MAN2B1: variants seen among roughly 807,000 people sequenced by gnomAD.
MAN2B1 encodes the protein lysosomal alpha-mannosidase.
A neutral mutation model predicts 127.5 loss-of-function variants in MAN2B1; 99 were observed. The observed-to-expected ratio is 0.78, with a 90% CI of 0.66 to 0.92. The LOEUF (loss-of-function observed/expected upper bound fraction) is 0.92. MAN2B1 is among the 40% of genes least tolerant of loss of function. The pLI is 0.00. For synonymous variants in MAN2B1, 573 were observed against 568.8 expected (o/e 1.01, Z -0.11); for missense variants, 1,304 against 1,384.8 (o/e 0.94, Z 0.93).
At chr19:12,662,473 CAT>C (rs1205801802) in intron 6 of MAN2B1, among the ~76,000 whole-genome samples, 1 of 151,482 alleles carries the variant, frequency 6.6e-6, no homozygotes, top group African/African-American at 2.4e-5. Context: ...ACTAAAAAGA[CAT>C]AAAACTTAGC....
At chr19:12,657,316 C>T in intron 11 of MAN2B1, 130 bp downstream of exon 11, 1 of 852,836 alleles carries the variant, frequency 1.2e-6, no homozygotes, top group Non-Finnish European at 1.9e-6. Context: ...GCCCCGCCCC[C>T]ACGAGCCCTT....
At chr19:12,653,453 T>G (rs1599346067) in intron 14 of MAN2B1, among the ~76,000 whole-genome samples, 1 of 151,972 alleles carries the variant, frequency 6.6e-6, no homozygotes. Flanking sequence ...GGCCCCTTTT[T>G]TTCTCAATTT....
chr19:12,653,385 T>G (rs1201125341), intron 14 of MAN2B1, among the ~76,000 whole-genome samples: 2 of 34,646 alleles, frequency 5.8e-5, no homozygotes, highest in East Asian at 0.011. Context: ...GACCTCATGA[T>G]CCACCCCCCC....
chr19:12,655,379 A>G (rs2023931474), intron 14 of MAN2B1, among the ~76,000 whole-genome samples: 1 of 152,084 alleles, frequency 6.6e-6, no homozygotes, highest in Non-Finnish European at 1.5e-5. Flanking sequence ...TCCCTCCCTC[A>G]GGTCATATCT....
chr19:12,657,014 C>T lies in MAN2B1; in HGVS notation c.1462G>A (p.Asp488Asn), dbSNP rs1229982479. The T allele has an allele frequency of 6.2e-7, 1 of 1,613,380 alleles. No individual in the cohort carries two copies. Among genetic ancestry groups the T allele is most frequent in the African/African-American group, 1.3e-5 (1 of 74,934 alleles). ...NALARLRGFK[D>N]HFTFCQQLNI... The stretch of plus-strand genomic sequence containing the variant: ...AGCTGTTGGCAAAAGGTGAAGTGAT[C>T]TTTGAAGCCTCTGAGCCGCGCCAGC... The change falls in exon 12 of 24, where the codon GAT becomes AAT. Residue 488 changes from aspartate (D) to asparagine (N), a missense_variant. Asp to Asn is a conservative substitution (Grantham distance 23). Coordinates refer to ENST00000456935, the MANE Select transcript of MAN2B1 (RefSeq NM_000528.4).
chr19:12,661,364 G>A lies in MAN2B1; in HGVS notation c.922C>T (p.Arg308Cys), dbSNP rs185112259. Residue 308 changes from arginine to cysteine, a missense_variant, in exon 7 of 24, where the codon CGC becomes TGC. Physicochemically the swap from Arg to Cys is radical, Grantham distance 180. Coordinates refer to ENST00000456935, the MANE Select transcript of MAN2B1 (RefSeq NM_000528.4). Reference protein sequence around the residue: ...NVATAQGRYYRTNHTVMTMGS... With the variant: ...NVATAQGRYYCTNHTVMTMGS... ...ATGGTCATCACAGTGTGGTTGGTGC[G>A]GTAATACCGGCCCTGCAGGCAAGAG... 5.2e-5 allele frequency: 84 copies of A among 1,611,300 alleles called. No homozygotes were observed. In the Admixed American group the frequency reaches 5.7e-4, roughly 11 times the overall value.
At position 12,648,261 on chromosome 19, in the gene MAN2B1, C is replaced by A. The variant is rs1372637071; in HGVS notation, c.2578G>T (p.Ala860Ser). 1 of 1,605,300 alleles carries A rather than the reference C, an allele frequency of 6.2e-7. No individual in the cohort carries two copies. The highest frequency in any genetic ancestry group is 1.1e-5 in the South Asian group (1 of 90,414). ...QAAAAGHRLL[A>S]EQEVLAPQVV... The stretch of plus-strand genomic sequence containing the variant: ...TGAGGGGCCAGGACCTCCTGCTCCG[C>A]CAGGAGCCGGTGTCCGGCGGCTGCA... Residue 860 changes from alanine to serine, a missense_variant, in exon 21 of 24, where the codon GCG (alanine) becomes TCG (serine). Ala to Ser is a moderately conservative substitution (Grantham distance 99, BLOSUM62 1). Transcript: ENST00000456935.
chr19:12,659,368 C>T lies in MAN2B1; in HGVS notation c.1027-858G>A, dbSNP rs539101477. Among the ~76,000 whole-genome samples, 7 of 147,762 alleles carry T rather than the reference C, an allele frequency of 4.7e-5. No individual in the cohort carries two copies. The East Asian group carries it at 1.5e-3, about 31-fold the overall frequency. On this transcript the variant is annotated intron_variant, in intron 7 of 23. Transcript: ENST00000456935. ...CCAAGCTGGAGTGCAGTGGCACGAT[C>T]TCAGCTGGCTGCAAACTCCGCCTCC... is the stretch of plus-strand genomic sequence containing the variant.
rs772448821 is a variant in MAN2B1 at position 12,650,237 on chromosome 19, G to T, written c.2047-15C>A. 10 of 1,545,218 alleles carry T rather than the reference G, an allele frequency of 6.5e-6. No individual in the cohort carries two copies. The South Asian group carries it at 1.1e-4, about 17-fold the overall frequency. On this transcript the variant is annotated splice_polypyrimidine_tract_variant and intron_variant, in intron 16 of 23. Coordinates refer to ENST00000456935, the MANE Select transcript of MAN2B1 (RefSeq NM_000528.4). ...ACCAAGGGTGTCTGCGGGCACACGGGTGAGGTGGATGTCAGTCTGTACCTG... is the reference window on the plus strand; with the variant it reads ...ACCAAGGGTGTCTGCGGGCACACGGTTGAGGTGGATGTCAGTCTGTACCTG...
Position 12,656,571 on chromosome 19 carries a change from A to G in MAN2B1, c.1644T>C (p.Asp548=), listed in dbSNP as rs777861970. 1.2e-6 allele frequency: 2 copies of G among 1,610,766 alleles called. No individual in the cohort carries two copies. The highest frequency in any genetic ancestry group is 2.2e-5 in the South Asian group (2 of 91,024). ...GGGAATATTCGTTGTTTGGGCTCACATCGCTGGGCACTGTCCTGCCATTGG... is the reference window on the plus strand; with the variant it reads ...GGGAATATTCGTTGTTTGGGCTCACGTCGCTGGGCACTGTCCTGCCATTGG... ...KDPNGRTVPS[D]VVIFPSSDSQ... Residue 548 remains aspartate (D), a splice_region_variant and synonymous_variant, in exon 13 of 24, where the codon GAT becomes GAC. Transcript: ENST00000456935.
intron 2 of MAN2B1, 23 bp downstream of exon 2, chr19:12,665,680 A>AC: frequency 3.1e-6 from 5 of 1,605,896 alleles, no homozygotes; most frequent in Non-Finnish European, 4.3e-6. Context: ...GATCCCAGGG[A>AC]CCAGTCCCCA....
chr19:12,665,431 C>T lies in MAN2B1; in HGVS notation c.357G>A (p.Val119=), dbSNP rs2024208106. The T allele has an allele frequency of 6.2e-7, 1 of 1,613,732 alleles. No homozygotes were observed. Among genetic ancestry groups the T allele is most frequent in the South Asian group, 1.1e-5 (1 of 91,090 alleles). Reference sequence around the variant, plus strand: ...ACCAACGGGAGAAGAAGGCAATCTCCACGTAAATGAAGCGACGGGTGGGAT... The same window carrying T: ...ACCAACGGGAGAAGAAGGCAATCTCTACGTAAATGAAGCGACGGGTGGGAT... ...LADPTRRFIY[V]EIAFFSRWWH... Residue 119 remains valine (V), a synonymous_variant, in exon 3 of 24, where the codon GTG becomes GTA. Coordinates refer to ENST00000456935, the MANE Select transcript of MAN2B1 (RefSeq NM_000528.4).
intron 1 of MAN2B1, 34 bp downstream of exon 1, chr19:12,666,509 C>T (rs2024246381): frequency 6.4e-7 from 1 of 1,562,812 alleles, no homozygotes; most frequent in South Asian, 1.2e-5. Context: ...TTCACTCTGC[C>T]TCCTGTACGT....
intron 7 of MAN2B1, chr19:12,658,910 G>A (rs1199214801): frequency 6.1e-6 from 2 of 326,862 alleles, no homozygotes; most frequent in East Asian, 8.3e-5. Flanking sequence ...AGGCTGTAGT[G>A]CAGTGGCTCA....
Position 12,652,460 on chromosome 19 carries a change from G to T in MAN2B1, c.1831C>A (p.His611Asn). Reference sequence around the variant, plus strand: ...TCAGGATCAAACGTTGCCCGGATGTGCTGGGCAGAAAAGGGTCCACAGATG... The same window carrying T: ...TCAGGATCAAACGTTGCCCGGATGTTCTGGGCAGAAAAGGGTCCACAGATG... ...WSPALTIENE[H>N]IRATFDPDTG... Residue 611 changes from histidine to asparagine, a missense_variant and splice_region_variant, in exon 15 of 24, where the codon CAC becomes AAC. Transcript: ENST00000456935. The T allele has an allele frequency of 6.2e-7, 1 of 1,611,310 alleles. No individual in the cohort carries two copies. Among genetic ancestry groups the T allele is most frequent in the Non-Finnish European group, 8.5e-7 (1 of 1,177,468 alleles).
At position 12,665,525 on chromosome 19, in the gene MAN2B1, A is replaced by T; in HGVS notation, c.263T>A (p.Ile88Asn). ...ACCGGCGTGCTGGATGTCATTCTTG[A>T]CTGTGGATAACAGGGATAAGGCTCT... ...LKTVDQYFYG[I>N]KNDIQHAGVQ... Residue 88 changes from isoleucine to asparagine, a missense_variant and splice_region_variant, in exon 3 of 24, where the codon ATC becomes AAC. Transcript: ENST00000456935. The T allele has an allele frequency of 6.2e-7, 1 of 1,614,186 alleles. No individual in the cohort carries two copies. Among genetic ancestry groups the T allele is most frequent in the Non-Finnish European group, 8.5e-7 (1 of 1,180,038 alleles).
Position 12,663,383 on chromosome 19 carries a change from G to T in MAN2B1, c.843C>A (p.Asp281Glu). Residue 281 changes from aspartate to glutamate, a missense_variant, in exon 6 of 24, where the codon GAC (aspartate) becomes GAA (glutamate). Transcript: ENST00000456935. ...VLCVDQPLVE[D>E]PRSPEYNAKE... ...TGGCGTTGTACTCGGGGCTGCGAGGGTCCTCCACCAGCGGCTGATCGACAC... is the reference window on the plus strand; with the variant it reads ...TGGCGTTGTACTCGGGGCTGCGAGGTTCCTCCACCAGCGGCTGATCGACAC... 3 of 1,614,050 alleles carry T rather than the reference G, an allele frequency of 1.9e-6. No individual in the cohort carries two copies. Among genetic ancestry groups the T allele is most frequent in the Non-Finnish European group, 2.5e-6 (3 of 1,179,972 alleles).
rs1174090210 is a variant in MAN2B1, at chr19:12,662,954, T to TA, written c.909+362dup. Among the ~76,000 whole-genome samples the TA allele has an allele frequency of 8.6e-4, 107 of 123,800 alleles. 1 individual carries two copies. Among genetic ancestry groups the TA allele is most frequent in the African/African-American group, 3.4e-3 (106 of 30,896 alleles). 81.2% of individuals were successfully genotyped at this position (123,800 alleles called of 152,430 possible). On this transcript the variant is annotated intron_variant, in intron 6 of 23. Transcript: ENST00000456935. ...CTCTGTCTCAAAAAAAAAAAAATAA[T>TA]AATAAATAAATAAAAATGTTAAAAA...
At chr19:12,657,125 C>A in intron 11 of MAN2B1, 69 bp from the exon 12 acceptor site, 3 of 941,848 alleles carry the variant, frequency 3.2e-6, no homozygotes. Context: ...CTCCTCAGGC[C>A]CCGCCCCGTT....
Sources: gnomAD v4.1 joint callset for allele counts (sites outside exome capture counted in the v4.1 genomes callset) on GRCh38, gnomAD v4.1.1 for gene constraint, MANE v1.5 for transcripts, NCBI Gene and HGNC (gene_info 2026-07-23, HGNC 2026-07-21) for gene names.